DNAH7: variants seen among roughly 807,000 people sequenced by gnomAD.
DNAH7 encodes axonemal beta dynein heavy chain 7.
DNAH7 carries 397 observed loss-of-function variants against 444.6 expected under a neutral mutation model. That is an observed-to-expected ratio of 0.89 (90% CI 0.82 to 0.97). The LOEUF (loss-of-function observed/expected upper bound fraction) is 0.97, where lower values mean the gene tolerates loss of function less well. DNAH7 is among the 50% of genes least tolerant of loss of function. The pLI is 0.00. For synonymous variants in DNAH7, 1,636 were observed against 1,624.4 expected, an observed-to-expected ratio of 1.01 and a Z score of -0.17; for missense variants, 4,902 against 4,800.8, an observed-to-expected ratio of 1.02 and a Z score of -0.62.
chr2:195,747,635 C>T (rs146672521), intron 63 of DNAH7, among the ~76,000 whole-genome samples: 2 of 152,170 alleles, frequency 1.3e-5, no homozygotes, highest in South Asian at 2.1e-4. Flanking sequence ...AGCTTATCCA[C>T]CATGATCAAG....
At chr2:195,753,897 G>C (rs1693936471) in intron 63 of DNAH7, among the ~76,000 whole-genome samples, 1 of 152,106 alleles carries the variant, frequency 6.6e-6, no homozygotes, top group South Asian at 2.1e-4. Flanking sequence ...TTCTATGAAG[G>C]TATATGCTTC....
At chr2:195,915,511 A>G (rs1687620773) in intron 24 of DNAH7, among the ~76,000 whole-genome samples, 1 of 152,234 alleles carries the variant, frequency 6.6e-6, no homozygotes, top group African/African-American at 2.4e-5. Flanking sequence ...AAAGTAGCTA[A>G]TAGGATGGTG....
At chr2:195,830,330 T>C (rs1698003179) in intron 48 of DNAH7, among the ~76,000 whole-genome samples, 1 of 152,170 alleles carries the variant, frequency 6.6e-6, no homozygotes, top group Admixed American at 6.5e-5. Context: ...AACAGAAACA[T>C]AATGAGAATT....
At chr2:195,931,690 A>C (rs866320487) in intron 21 of DNAH7, among the ~76,000 whole-genome samples, 111 of 151,890 alleles carry the variant, frequency 7.3e-4, no homozygotes, top group Admixed American at 2.0e-3. Flanking sequence ...ATCCTTTCCC[A>C]ATTTCTTGTT....
At chr2:195,789,989 A>T (rs72913295) in intron 57 of DNAH7, among the ~76,000 whole-genome samples, 18,377 of 152,192 alleles carry the variant, frequency 0.12, 1,471 homozygotes, top group Middle Eastern at 0.26. Context: ...CAGAATACAA[A>T]ATCAATGTAC....
chr2:195,963,753 T>C (rs570745421), intron 17 of DNAH7, among the ~76,000 whole-genome samples: 42 of 152,330 alleles, frequency 2.8e-4, no homozygotes, highest in African/African-American at 9.9e-4. Context: ...GTCTTAGATT[T>C]AAGTCTTTAA....
intron 17 of DNAH7, among the ~76,000 whole-genome samples, chr2:195,967,691 C>T (rs771637627): frequency 2.0e-5 from 3 of 152,130 alleles, no homozygotes; most frequent in Non-Finnish European, 4.4e-5. Context: ...CTGTAAGGTT[C>T]CCACTGAAAA....
Position 195,873,687 on chromosome 2 carries a change from AC to A in DNAH7, c.6293del (p.Gly2098ValfsTer5). ...IMCAMGPPGGGRNPVTPRYMR... is the reference protein window; with the variant it reads ...IMCAMGPPGGXRNPVTPRYMR... ...TGTATCGAGGAGTTACTGGATTTCG[AC>A]CACCACCTAAATATTAAAAAGTATA... On this transcript the variant is annotated frameshift_variant, in exon 39 of 65. Transcript: ENST00000312428. LOFTEE classifies it high-confidence loss of function. The A allele has an allele frequency of 6.5e-7, 1 of 1,528,262 alleles. No homozygotes were observed. The highest frequency in any genetic ancestry group is 1.3e-5 in the South Asian group (1 of 74,696). 94.7% of individuals were successfully genotyped at this position (1,528,262 alleles called of 1,614,324 possible).
At chr2:195,831,882 G>A (rs1011151149) in intron 48 of DNAH7, among the ~76,000 whole-genome samples, 4 of 152,100 alleles carry the variant, frequency 2.6e-5, no homozygotes, top group Admixed American at 6.6e-5. Context: ...TAGTTAAGGG[G>A]TAGTTAACTA....
chr2:195,957,608 CATTATATA>C (rs1690772114), intron 18 of DNAH7, among the ~76,000 whole-genome samples, 161 bp from the exon 19 acceptor site: 1 of 138,626 alleles, frequency 7.2e-6, no homozygotes, highest in African/African-American at 3.4e-5. Flanking sequence ...AATTGTTATA[CATTATATA>C]CAATCTTGTA....
chr2:195,778,494 A>C (rs997426506), intron 58 of DNAH7, among the ~76,000 whole-genome samples: 1 of 150,260 alleles, frequency 6.7e-6, no homozygotes, highest in African/African-American at 2.5e-5. Context: ...AAAAGTAACC[A>C]GGTATAGTAG....
chr2:195,815,109 G>T (rs1237203190), intron 51 of DNAH7, among the ~76,000 whole-genome samples: 1 of 151,270 alleles, frequency 6.6e-6, no homozygotes, highest in Non-Finnish European at 1.5e-5. Context: ...AACCAGACAT[G>T]CATGTTTAAT....
chr2:195,810,004 T>A, intron 51 of DNAH7, 133 bp from the exon 52 acceptor site: 1 of 609,562 alleles, frequency 1.6e-6, no homozygotes, highest in Non-Finnish European at 2.4e-6. Flanking sequence ...GAATCCTCAT[T>A]AATTGGGTGT....
At chr2:195,968,111 G>A (rs1326100318) in intron 17 of DNAH7, among the ~76,000 whole-genome samples, 1 of 152,176 alleles carries the variant, frequency 6.6e-6, no homozygotes, top group East Asian at 1.9e-4. Flanking sequence ...CAGGGCAGTG[G>A]GCTCCCCTCT....
chr2:195,867,888 T>C (rs771099507), intron 40 of DNAH7, among the ~76,000 whole-genome samples: 24 of 152,294 alleles, frequency 1.6e-4, no homozygotes, highest in African/African-American at 2.2e-4. Flanking sequence ...CTGCTAATAA[T>C]ATTCATGTAC....
intron 25 of DNAH7, among the ~76,000 whole-genome samples, chr2:195,907,425 C>T (rs1687096295): frequency 1.3e-5 from 2 of 152,128 alleles, no homozygotes; most frequent in Non-Finnish European, 2.9e-5. Flanking sequence ...TAATAGCCAA[C>T]TACCACAGTT....
At chr2:195,876,209 C>T (rs187202807) in intron 37 of DNAH7, among the ~76,000 whole-genome samples, 50 of 152,162 alleles carry the variant, frequency 3.3e-4, no homozygotes, top group African/African-American at 1.2e-3. Context: ...TGCAGAGGAA[C>T]ACAGGTAAAT....
At chr2:195,757,571 C>A (rs1434641156) in intron 61 of DNAH7, among the ~76,000 whole-genome samples, 3 of 152,152 alleles carry the variant, frequency 2.0e-5, no homozygotes, top group Non-Finnish European at 4.4e-5. Context: ...CTCAAAACCC[C>A]GCTAAAACAG....
chr2:196,020,945 A>ATTTATTT (rs1695343494), intron 8 of DNAH7, among the ~76,000 whole-genome samples: 1 of 152,162 alleles, frequency 6.6e-6, no homozygotes, highest in African/African-American at 2.4e-5. Flanking sequence ...AAAAGAAAAT[A>ATTTATTT]AAACTGAAGT....
Sources: gnomAD v4.1 joint callset for allele counts (sites outside exome capture counted in the v4.1 genomes callset) on GRCh38, gnomAD v4.1.1 for gene constraint, MANE v1.5 for transcripts, NCBI Gene and HGNC (gene_info 2026-07-23, HGNC 2026-07-21) for gene names.